Variants in DDB2 observed in about 807,000 individuals in gnomAD.
DDB2 encodes the protein damage specific DNA binding protein 2.
DDB2 carries 27 observed loss-of-function variants against 50.5 expected under a neutral mutation model. The ratio of observed to expected loss-of-function variants is 0.53; its 90% CI spans 0.39 to 0.74. The LOEUF is 0.74. Ranked by LOEUF, DDB2 falls within the 30% of genes least tolerant of loss-of-function variation. The pLI is 0.00. For missense variants in DDB2, 424 were observed against 545.6 expected (o/e 0.78, Z 2.22); for synonymous variants, 176 against 205.5 (o/e 0.86, Z 1.23).
intron 6 of DDB2, 80 bp from the exon 7 acceptor site, chr11:47,235,190 C>A (rs1412924560): frequency 6.3e-7 from 1 of 1,578,964 alleles, no homozygotes; most frequent in Non-Finnish European, 8.7e-7. Context: ...GGGAGAGTAC[C>A]CCTGCAGGAG....
At chr11:47,214,735 C>T, upstream of DDB2, 1 of 343,108 alleles carries the variant, frequency 2.9e-6, no homozygotes, top group Non-Finnish European at 5.6e-6. Flanking sequence ...CGCCCCACTG[C>T]CCTCCAGAGT....
Position 47,234,840 on chromosome 11 carries a change from C to T in DDB2, c.786C>T (p.Ser262=), listed in dbSNP as rs200094631. The T allele has an allele frequency of 6.2e-6, 10 of 1,614,028 alleles. No homozygotes were observed. The highest frequency in any genetic ancestry group is 4.0e-5 in the African/African-American group (3 of 74,894). The change falls in exon 6 of 10, where the codon TCC becomes TCT. Residue 262 remains serine, a synonymous_variant. Coordinates refer to ENST00000256996, the MANE Select transcript of DDB2 (RefSeq NM_000107.3). ...GTGATTGGTTCCTGGCCACAGCCTC[C>T]GTAGATCAAACAGTGAAAATTTGGG... The part of the protein sequence containing the change: ...PCCDWFLATA[S]VDQTVKIWDL...
At chr11:47,222,527 T>C (rs977147349) in intron 3 of DDB2, among the ~76,000 whole-genome samples, 1 of 152,168 alleles carries the variant, frequency 6.6e-6, no homozygotes, top group African/African-American at 2.4e-5. Flanking sequence ...AATTTTGTTA[T>C]AGAGACAGAG....
At chr11:47,235,960 T>A (rs1461819836) in intron 7 of DDB2, 2 of 117,834 alleles carry the variant, frequency 1.7e-5, no homozygotes, top group African/African-American at 6.3e-5. Context: ...CTTGAAACGG[T>A]CTTGCTCTGT....
rs191773047 is a variant in DDB2, at chr11:47,216,397, G to T, written c.189G>T (p.Leu63=). ...LWVGLAGPQI[L]PPCRSIVRTL... is the part of the protein sequence containing the mutation. ...TGGGGCTGGCTGGCCCACAGATCCTGCCACCATGCCGCAGCATCGTCAGGA... is the reference window on the plus strand; with the variant it reads ...TGGGGCTGGCTGGCCCACAGATCCTTCCACCATGCCGCAGCATCGTCAGGA... The change falls in exon 2 of 10, where the codon CTG becomes CTT. Residue 63 remains leucine, a synonymous_variant. Transcript: ENST00000256996. The T allele has an allele frequency of 9.3e-6, 15 of 1,614,128 alleles. No individual in the cohort carries two copies. In the East Asian group the frequency reaches 3.3e-4, roughly 36 times the overall value.
Position 47,234,900 on chromosome 11 carries a change from C to T in DDB2, c.846C>T (p.Leu282=). ...AGGTTAGAGGGAAAGCCAGCTTCCT[C>T]TACTCGCTGCCGCACAGGCATCCTG... ...LRQVRGKASF[L]YSLPHRHPVN... The change falls in exon 6 of 10, where the codon CTC becomes CTT. Residue 282 remains leucine, a synonymous_variant. Transcript: ENST00000256996. 6.2e-7 allele frequency: 1 copy of T among 1,614,246 alleles called. No homozygotes were observed. Among genetic ancestry groups the T allele is most frequent in the Non-Finnish European group, 8.5e-7 (1 of 1,180,040 alleles).
intron 3 of DDB2, among the ~76,000 whole-genome samples, chr11:47,224,477 T>C (rs1953530116): frequency 6.6e-6 from 1 of 152,162 alleles, no homozygotes; most frequent in Non-Finnish European, 1.5e-5. Context: ...CTTGAACTCC[T>C]GACCTCCAGT....
intron 5 of DDB2, 29 bp downstream of exon 5, chr11:47,234,701 T>A (rs748128394): frequency 2.5e-6 from 4 of 1,613,778 alleles, no homozygotes; most frequent in East Asian, 4.5e-5. Context: ...TGCCTTTCCC[T>A]CCCTCACCCC....
chr11:47,215,322 C>G (rs1953385057), intron 1 of DDB2, 59 bp downstream of exon 1: 1 of 1,610,826 alleles, frequency 6.2e-7, no homozygotes, highest in African/African-American at 1.3e-5. Context: ...GCGCAGGAGG[C>G]TGCAGCGGGG....
intron 3 of DDB2, among the ~76,000 whole-genome samples, chr11:47,223,540 G>A (rs1953516224): frequency 6.6e-6 from 1 of 151,860 alleles, no homozygotes; most frequent in African/African-American, 2.4e-5. Flanking sequence ...CAGCGCTTTG[G>A]GAGGCCGAGG....
chr11:47,215,218 C>A lies in DDB2; in HGVS notation c.82C>A (p.Leu28Met). 1.2e-6 allele frequency: 2 copies of A among 1,614,058 alleles called. No individual in the cohort carries two copies. The highest frequency in any genetic ancestry group is 1.7e-6 in the Non-Finnish European group (2 of 1,180,014). ...RPRNKRSRSP[L>M]ELEPEAKKLC... ...CAGGAACAAGAGGAGCAGGAGTCCCCTGGAGCTGGAGCCCGAGGCCAAGAA... is the reference window on the plus strand; with the variant it reads ...CAGGAACAAGAGGAGCAGGAGTCCCATGGAGCTGGAGCCCGAGGCCAAGAA... Residue 28 changes from leucine (L) to methionine (M), a missense_variant, in exon 1 of 10, where the codon CTG becomes ATG. Transcript: ENST00000256996.
chr11:47,228,125 T>G, intron 3 of DDB2, among the ~76,000 whole-genome samples: 1 of 116,260 alleles, frequency 8.6e-6, no homozygotes, highest in Non-Finnish European at 1.7e-5. Context: ...GGCAACAGAG[T>G]GAGGCTCTGT....
At chr11:47,222,861 A>G (rs1057427220) in intron 3 of DDB2, among the ~76,000 whole-genome samples, 1 of 152,190 alleles carries the variant, frequency 6.6e-6, no homozygotes, top group Non-Finnish European at 1.5e-5. Flanking sequence ...TAAATGAGAA[A>G]AGGTTTTTCT....
In DDB2 at chr11:47,234,919, C is replaced by T. The variant is rs1281536704; in HGVS notation, c.865C>T (p.His289Tyr). 2 of 1,614,232 alleles carry T rather than the reference C, an allele frequency of 1.2e-6. No homozygotes were observed. The highest frequency in any genetic ancestry group is 1.1e-5 in the South Asian group (1 of 91,090). The change falls in exon 6 of 10, where the codon CAT becomes TAT. Residue 289 changes from histidine (H) to tyrosine (Y), a missense_variant. Coordinates refer to ENST00000256996, the MANE Select transcript of DDB2 (RefSeq NM_000107.3). ...ASFLYSLPHR[H>Y]PVNAACFSPD... Reference sequence around the variant, plus strand: ...CTTCCTCTACTCGCTGCCGCACAGGCATCCTGTCAACGCAGGTGTGATATC... The same window carrying T: ...CTTCCTCTACTCGCTGCCGCACAGGTATCCTGTCAACGCAGGTGTGATATC...
intron 3 of DDB2, among the ~76,000 whole-genome samples, chr11:47,221,239 TC>T (rs1390822557): frequency 6.6e-6 from 1 of 151,248 alleles, no homozygotes; most frequent in African/African-American, 2.4e-5. Context: ...TGATCCAAAA[TC>T]CCCATTTTCA....
intron 7 of DDB2, among the ~76,000 whole-genome samples, chr11:47,237,265 T>C (rs186949007): frequency 3.3e-4 from 50 of 152,200 alleles, no homozygotes; most frequent in Admixed American, 2.9e-3. Flanking sequence ...GGTATGATCT[T>C]AGGAAATGCA....
Position 47,232,737 on chromosome 11 carries a change from G to C in DDB2, c.457-77G>C, listed in dbSNP as rs4647742. 1.4e-3 allele frequency: 2,129 copies of C among 1,544,572 alleles called. 28 individuals are homozygous for C. The African/African-American group carries it at 0.025, about 18-fold the overall frequency. ...GCTCGAGGGGTGCTTCTGTGACGGC[G>C]CAGCATGTGTGCCCAGGCCTGGTTC... On this transcript the variant is annotated intron_variant, in intron 3 of 9. Transcript: ENST00000256996.
Position 47,215,010 on chromosome 11 carries a change from T to G in DDB2, c.-127T>G. 1 of 1,425,922 alleles carries G rather than the reference T, an allele frequency of 7.0e-7. No homozygotes were observed. The highest frequency in any genetic ancestry group is 1.7e-5 in the Admixed American group (1 of 59,114). 88.3% of individuals were successfully genotyped at this position (1,425,922 alleles called of 1,614,324 possible). On this transcript the variant is annotated 5_prime_UTR_variant, in exon 1 of 10. Transcript: ENST00000256996. ...GCCCTGGGCATGTTTGGCGGGAAGTTGGCTTAGCTCGGCTACCTGTGGCCC... is the reference window on the plus strand; with the variant it reads ...GCCCTGGGCATGTTTGGCGGGAAGTGGGCTTAGCTCGGCTACCTGTGGCCC...
At chr11:47,216,263 T>G (rs766707323) in intron 1 of DDB2, 73 bp from the exon 2 acceptor site, 2 of 1,611,172 alleles carry the variant, frequency 1.2e-6, no homozygotes, top group African/African-American at 2.7e-5. Flanking sequence ...GAAACAAGGC[T>G]TCCTTTCGGG....
Sources: gnomAD v4.1 joint callset for allele counts (sites outside exome capture counted in the v4.1 genomes callset) on GRCh38, gnomAD v4.1.1 for gene constraint, MANE v1.5 for transcripts, NCBI Gene and HGNC (gene_info 2026-07-23, HGNC 2026-07-21) for gene names.